PTPN5: variants seen among roughly 807,000 people sequenced by gnomAD.
PTPN5 encodes tyrosine-protein phosphatase non-receptor type 5.
A neutral mutation model predicts 73.9 loss-of-function variants in PTPN5; 29 were observed. The observed-to-expected ratio is 0.39, with a 90% CI of 0.29 to 0.54. The LOEUF (loss-of-function observed/expected upper bound fraction) is 0.54, where lower values mean the gene tolerates loss of function less well. PTPN5 is among the 20% of genes least tolerant of loss of function. The pLI is 0.65. For missense variants in PTPN5, 652 were observed against 751.4 expected (o/e 0.87, Z 1.55); for synonymous variants, 267 against 304.7 (o/e 0.88, Z 1.29).
upstream of PTPN5, chr11:18,791,871 C>G (rs557799001): frequency 6.6e-6 from 1 of 152,128 alleles, no homozygotes; most frequent in East Asian, 2.0e-4. Context: ...GGGCTTCCGC[C>G]GCTCGCCGGG....
chr11:18,732,756 T>C (rs1590480074), intron 11 of PTPN5, 54 bp from the exon 12 acceptor site: 2 of 1,435,576 alleles, frequency 1.4e-6, no homozygotes, highest in Admixed American at 3.4e-5. Flanking sequence ...CCCACAACTC[T>C]CTACACTCTC....
chr11:18,743,230 C>T, intron 5 of PTPN5, 92 bp downstream of exon 5: 3 of 1,347,258 alleles, frequency 2.2e-6, no homozygotes, highest in Non-Finnish European at 3.2e-6. Context: ...ATCTTCTGAA[C>T]TCAGAGAAGC....
chr11:18,785,681 G>A (rs371593672), intron 1 of PTPN5, among the ~76,000 whole-genome samples: 3 of 152,120 alleles, frequency 2.0e-5, no homozygotes, highest in South Asian at 2.1e-4. Flanking sequence ...AATCCCTCCC[G>A]AAAGGCTTGC....
chr11:18,731,595 T>C (rs993731399), intron 12 of PTPN5, among the ~76,000 whole-genome samples: 19 of 152,198 alleles, frequency 1.2e-4, no homozygotes, highest in Non-Finnish European at 2.5e-4. Flanking sequence ...TCTCAAGTCC[T>C]GAGTTACCTG....
At chr11:18,751,953 C>T (rs1481092873) in intron 3 of PTPN5, among the ~76,000 whole-genome samples, 1 of 152,172 alleles carries the variant, frequency 6.6e-6, no homozygotes, top group Non-Finnish European at 1.5e-5. Context: ...CATGTAGTCA[C>T]TGGGCATGGT....
chr11:18,741,794 A>G (rs1849376982), intron 7 of PTPN5, among the ~76,000 whole-genome samples: 4 of 152,216 alleles, frequency 2.6e-5, no homozygotes, highest in Admixed American at 2.6e-4. Flanking sequence ...TGATGGGATC[A>G]TTTGTACCCC....
In PTPN5 at chr11:18,733,469, G is replaced by A; in HGVS notation, c.1080+87C>T. The A allele has an allele frequency of 1.2e-6, 2 of 1,611,366 alleles. No individual in the cohort carries two copies. Among genetic ancestry groups the A allele is most frequent in the Non-Finnish European group, 1.7e-6 (2 of 1,178,118 alleles). On this transcript the variant is annotated intron_variant, in intron 10 of 14. Coordinates refer to ENST00000358540, the MANE Select transcript of PTPN5 (RefSeq NM_006906.2). The surrounding 1 kb of genome is among the most constrained non-coding windows in gnomAD (Gnocchi z 4.3). ...TCTTCACAGGAGCTGGCAGGAGCCA[G>A]ACTGGTGTAGGGACAAGGCTGGAGG...
intron 3 of PTPN5, among the ~76,000 whole-genome samples, chr11:18,744,510 AAAC>A (rs1175757107): frequency 2.6e-5 from 4 of 152,110 alleles, no homozygotes; most frequent in African/African-American, 7.2e-5. Context: ...AGGAAACAAA[AAAC>A]AACCACCTCA....
Position 18,733,361 on chromosome 11 carries a change from C to T in PTPN5, c.1092G>A (p.Gly364=), listed in dbSNP as rs61733606. 4.8e-4 allele frequency: 770 copies of T among 1,613,586 alleles called. 10 individuals carry two copies. In the South Asian group the frequency reaches 5.9e-3, roughly 12 times the overall value. ...GAGTGGCGATGTACACCTTCTCCTC[C>T]CCACCATAGCCCTGCGGCCAGCCAA... ...INANYIRGYG[G]EEKVYIATQG... is the part of the protein sequence containing the mutation. Residue 364 remains glycine, a synonymous_variant, in exon 11 of 15, where the codon GGG becomes GGA. Coordinates refer to ENST00000358540, the MANE Select transcript of PTPN5 (RefSeq NM_006906.2). The surrounding 1 kb of genome is among the most constrained non-coding windows in gnomAD (Gnocchi z 4.3).
chr11:18,758,392 G>A (rs1850244174), intron 3 of PTPN5, among the ~76,000 whole-genome samples: 1 of 152,190 alleles, frequency 6.6e-6, no homozygotes, highest in South Asian at 2.1e-4. Flanking sequence ...CTGTGAGGAA[G>A]CCCAAGGTAG....
chr11:18,749,175 T>C (rs1357759328), intron 3 of PTPN5, among the ~76,000 whole-genome samples: 1 of 152,230 alleles, frequency 6.6e-6, no homozygotes, highest in East Asian at 1.9e-4. Flanking sequence ...TGTCAAGGGC[T>C]GGCTTTTCAA....
Position 18,728,768 on chromosome 11 carries a change from A to C in PTPN5, c.*166T>G, listed in dbSNP as rs1457143976. The C allele has an allele frequency of 1.6e-6, 1 of 626,660 alleles. No homozygotes were observed. Among genetic ancestry groups the C allele is most frequent in the East Asian group, 3.0e-5 (1 of 33,058 alleles). The allele number at this position is 626,660 out of a possible 1,614,324, so 38.8% of individuals were successfully genotyped here. ...CCCACTCCCCAATATGTACAGTAGG[A>C]AGAGCAATGCTGGAGGGTAGGGGTC... On this transcript the variant is annotated 3_prime_UTR_variant, in exon 15 of 15. Transcript: ENST00000358540. The surrounding 1 kb of genome is among the most constrained non-coding windows in gnomAD (Gnocchi z 4.1).
At chr11:18,779,769 G>A (rs1241757178) in intron 1 of PTPN5, among the ~76,000 whole-genome samples, 1 of 152,184 alleles carries the variant, frequency 6.6e-6, no homozygotes, top group Non-Finnish European at 1.5e-5. Flanking sequence ...ATCACATATT[G>A]TAAGGCAACC....
In PTPN5 at chr11:18,728,640, T is replaced by C. The variant is rs899897421; in HGVS notation, c.*294A>G. On this transcript the variant is annotated 3_prime_UTR_variant, in exon 15 of 15. Coordinates refer to ENST00000358540, the MANE Select transcript of PTPN5 (RefSeq NM_006906.2). The surrounding 1 kb of genome is among the most constrained non-coding windows in gnomAD (Gnocchi z 4.1). Reference sequence around the variant, plus strand: ...GCACGGAAACATTCTGGATCAGGTATTGATGGAACCATCGTTAAAAACTGG... The same window carrying C: ...GCACGGAAACATTCTGGATCAGGTACTGATGGAACCATCGTTAAAAACTGG... The C allele has an allele frequency of 3.3e-5, 12 of 359,408 alleles. No homozygotes were observed. Among genetic ancestry groups the C allele is most frequent in the African/African-American group, 2.3e-4 (11 of 47,204 alleles). 22.3% of individuals were successfully genotyped at this position (359,408 alleles called of 1,614,324 possible).
intron 1 of PTPN5, among the ~76,000 whole-genome samples, chr11:18,774,702 C>T (rs1413127261): frequency 6.6e-6 from 1 of 152,246 alleles, no homozygotes; most frequent in Non-Finnish European, 1.5e-5. Context: ...TTGAAGCCAA[C>T]ACATTCTGTC....
Position 18,763,712 on chromosome 11 carries a change from T to TC in PTPN5, c.97+2094_97+2095insG, listed in dbSNP as rs768771398. 1.5e-3 allele frequency among the ~76,000 whole-genome samples: 223 copies of TC among 152,364 alleles called. 2 individuals carry two copies. Among genetic ancestry groups the TC allele is most frequent in the Middle Eastern group, 3.4e-3 (1 of 294 alleles). ...TTACCTCTATATATCTAGCACCTAG[T>TC]ACCTGAGACCTAGTAGGTGCTCAAT... On this transcript the variant is annotated intron_variant, in intron 3 of 14. Coordinates refer to ENST00000358540, the MANE Select transcript of PTPN5 (RefSeq NM_006906.2).
intron 3 of PTPN5, among the ~76,000 whole-genome samples, chr11:18,759,086 C>T (rs1008931785): frequency 1.3e-5 from 2 of 152,186 alleles, no homozygotes; most frequent in African/African-American, 4.8e-5. Flanking sequence ...CCACCAGATA[C>T]ACTACCCCAC....
intron 3 of PTPN5, among the ~76,000 whole-genome samples, chr11:18,756,730 G>A (rs540366788): frequency 1.3e-5 from 2 of 151,880 alleles, no homozygotes; most frequent in African/African-American, 4.8e-5. Context: ...AGACCACCCC[G>A]GCTAACACGG....
intron 3 of PTPN5, among the ~76,000 whole-genome samples, chr11:18,758,154 A>G (rs1850235292): frequency 6.6e-6 from 1 of 152,222 alleles, no homozygotes; most frequent in Non-Finnish European, 1.5e-5. Flanking sequence ...TGGATGAAGG[A>G]TGGCCACAGA....
Sources: allele counts gnomAD v4.1 joint callset (sites outside exome capture counted in the v4.1 genomes callset), GRCh38; gene constraint gnomAD v4.1.1; non-coding constraint Gnocchi (gnomAD v3.1); transcripts MANE v1.5; gene names NCBI Gene and HGNC (gene_info 2026-07-23, HGNC 2026-07-21).